Variants in VWA3B observed in about 807,000 individuals in gnomAD.
The protein encoded by VWA3B is von Willebrand factor A domain-containing protein 3B.
VWA3B carries 138 observed loss-of-function variants against 158.3 expected under a neutral mutation model. That is an observed-to-expected ratio of 0.87 (90% confidence interval 0.76 to 1.00). The LOEUF is 1.00. Ranked by LOEUF, VWA3B falls within the 50% of genes least tolerant of loss-of-function variation. The pLI is 0.00. For missense variants in VWA3B, 1,555 were observed against 1,565.1 expected (o/e 0.99, Z 0.11); for synonymous variants, 596 against 587.3 (o/e 1.01, Z -0.21).
At chr2:98,300,760 T>TC (rs1690125553) in intron 25 of VWA3B, among the ~76,000 whole-genome samples, 1 of 152,050 alleles carries the variant, frequency 6.6e-6, no homozygotes. Context: ...AGCTGGGTCC[T>TC]CCTGGAGCAC....
At chr2:98,230,726 T>TC (rs1201680202) in intron 16 of VWA3B, among the ~76,000 whole-genome samples, 1 of 151,990 alleles carries the variant, frequency 6.6e-6, no homozygotes, top group Non-Finnish European at 1.5e-5. Context: ...CTGAATTATT[T>TC]CCCCCTAAAA....
intron 9 of VWA3B, 127 bp downstream of exon 9, chr2:98,181,339 A>G: frequency 1.0e-6 from 1 of 1,004,202 alleles, no homozygotes; most frequent in Non-Finnish European, 1.5e-6. Flanking sequence ...GTTTCTGTGA[A>G]GAACAGGGTT....
chr2:98,320,273 C>T, the VWA3B span, among the ~76,000 whole-genome samples: 1 of 152,170 alleles, frequency 6.6e-6, no homozygotes, highest in African/African-American at 2.4e-5. Context: ...GTGAGGCTTC[C>T]CCAGCTATGT....
intron 2 of VWA3B, among the ~76,000 whole-genome samples, chr2:98,112,551 T>C (rs1309957402): frequency 6.6e-6 from 1 of 152,110 alleles, no homozygotes; most frequent in Non-Finnish European, 1.5e-5. Context: ...ATATAATGTA[T>C]CTTTTTTTCT....
intron 11 of VWA3B, among the ~76,000 whole-genome samples, chr2:98,193,468 GTT>G (rs1681766214): frequency 6.6e-6 from 1 of 152,136 alleles, no homozygotes; most frequent in Non-Finnish European, 1.5e-5. Context: ...ACTGAAGCAG[GTT>G]GCCCAAGTGC....
At chr2:98,110,378 C>T (rs1313801493) in intron 2 of VWA3B, among the ~76,000 whole-genome samples, 1 of 151,860 alleles carries the variant, frequency 6.6e-6, no homozygotes, top group African/African-American at 2.4e-5. Context: ...TCTTCTATTT[C>T]TTTACTGAGA....
At chr2:98,132,383 G>A (rs1458216160) in intron 6 of VWA3B, among the ~76,000 whole-genome samples, 1 of 152,158 alleles carries the variant, frequency 6.6e-6, no homozygotes, top group African/African-American at 2.4e-5. Context: ...AGCTGCAAGT[G>A]GCATGTCCTG....
chr2:98,181,281 C>T (rs4851890), intron 9 of VWA3B, 69 bp downstream of exon 9: 1,128,542 of 1,541,842 alleles, frequency 0.73, 415,760 homozygotes, highest in South Asian at 0.92. Context: ...AGGCCTCCAT[C>T]GGGTCAGAAG....
At chr2:98,096,855 A>C (rs1421522186) in intron 2 of VWA3B, among the ~76,000 whole-genome samples, 1 of 151,926 alleles carries the variant, frequency 6.6e-6, no homozygotes, top group Non-Finnish European at 1.5e-5. Flanking sequence ...TATCTTTTCA[A>C]GAGACTATCT....
chr2:98,231,241 A>C (rs1461356417), intron 16 of VWA3B, among the ~76,000 whole-genome samples: 1 of 152,248 alleles, frequency 6.6e-6, no homozygotes, highest in Non-Finnish European at 1.5e-5. Flanking sequence ...TTCCTAATAG[A>C]ATCCCAAAAA....
At chr2:98,234,788 G>A in intron 17 of VWA3B, 21 bp downstream of exon 17, 1 of 1,614,024 alleles carries the variant, frequency 6.2e-7, no homozygotes, top group Non-Finnish European at 8.5e-7. Flanking sequence ...AAGCATCTCT[G>A]TGGCCAACCA....
intron 2 of VWA3B, among the ~76,000 whole-genome samples, chr2:98,111,090 T>C (rs931260704): frequency 3.9e-5 from 6 of 152,194 alleles, no homozygotes; most frequent in Admixed American, 3.3e-4. Flanking sequence ...AGTGTGAAAA[T>C]GGGCTAATAC....
intron 21 of VWA3B, among the ~76,000 whole-genome samples, chr2:98,268,416 G>T (rs1422258134): frequency 3.9e-5 from 6 of 152,132 alleles, no homozygotes; most frequent in Admixed American, 3.9e-4. Flanking sequence ...TATTCTTTAA[G>T]TTCACTGATT....
chr2:98,207,534 CTTG>C, intron 12 of VWA3B: 1 of 520,716 alleles, frequency 1.9e-6, no homozygotes, highest in Non-Finnish European at 3.8e-6. Context: ...TACAACGTTT[CTTG>C]TCTCAGCCAT....
At chr2:98,271,105 GA>G (rs11364249) in intron 22 of VWA3B, among the ~76,000 whole-genome samples, 6,399 of 147,226 alleles carry the variant, frequency 0.043, 182 homozygotes, top group Middle Eastern at 0.076. Context: ...TCTTTTAATT[GA>G]AAAAAAAAAG....
intron 7 of VWA3B, among the ~76,000 whole-genome samples, chr2:98,161,490 C>T (rs1573944175): frequency 1.3e-5 from 2 of 152,150 alleles, no homozygotes; most frequent in Admixed American, 6.5e-5. Context: ...GCACTAAGGA[C>T]ACCATGTTGA....
At chr2:98,090,065 G>T (rs1228988880) in intron 1 of VWA3B, among the ~76,000 whole-genome samples, 1 of 152,108 alleles carries the variant, frequency 6.6e-6, no homozygotes, top group African/African-American at 2.4e-5. Flanking sequence ...CCTTCAGCAA[G>T]AATATTGTAG....
Position 98,268,105 on chromosome 2 carries a change from A to G in VWA3B, c.2844-2577A>G, listed in dbSNP as rs571200428. Among the ~76,000 whole-genome samples the G allele has an allele frequency of 5.6e-4, 85 of 151,944 alleles. 1 individual carries two copies. Among genetic ancestry groups the G allele is most frequent in the Middle Eastern group, 3.4e-3 (1 of 294 alleles). ...GATGGATTCACAGCCGAATTCTACC[A>G]GAGGTACAAGGAGGAACTGGTACCA... is the stretch of plus-strand genomic sequence containing the variant. On this transcript the variant is annotated intron_variant, in intron 21 of 27. Transcript: ENST00000477737.
chr2:98,156,697 C>G (rs1678113041), intron 7 of VWA3B, among the ~76,000 whole-genome samples: 1 of 129,870 alleles, frequency 7.7e-6, no homozygotes, highest in South Asian at 2.7e-4. Flanking sequence ...TAAATTTGCT[C>G]TAAAGGAAAC....
Sources: gnomAD v4.1 joint callset for allele counts (sites outside exome capture counted in the v4.1 genomes callset) on GRCh38, gnomAD v4.1.1 for gene constraint, MANE v1.5 for transcripts, NCBI Gene and HGNC (gene_info 2026-07-23, HGNC 2026-07-21) for gene names.